The following AFG1L variants were observed in gnomAD, a reference collection of about 807,000 sequenced individuals.
The protein encoded by AFG1L is AFG1-like ATPase.
A neutral mutation model predicts 62.2 loss-of-function variants in AFG1L; 53 were observed. The ratio of observed to expected loss-of-function variants is 0.85; its 90% confidence interval spans 0.68 to 1.07. AFG1L has a LOEUF of 1.07. Among genes scored for constraint, AFG1L ranks in the 50% least tolerant of loss-of-function variants. The pLI, the probability that AFG1L is intolerant of heterozygous loss-of-function variation, is 0.00. For missense variants in AFG1L, 555 were observed against 590.5 expected (o/e 0.94, Z 0.62); for synonymous variants, 228 against 210.3 (o/e 1.08, Z -0.73).
chr6:108,408,630 C>T (rs2114651081), intron 7 of AFG1L, among the ~76,000 whole-genome samples: 1 of 152,138 alleles, frequency 6.6e-6, no homozygotes, highest in East Asian at 1.9e-4. Context: ...ATTTTTTTCC[C>T]TCATATCTCA....
rs78166992 is a variant in AFG1L at position 108,296,901 on chromosome 6, A to G, written c.139+1683A>G. On this transcript the variant is annotated intron_variant, in intron 1 of 12. Transcript: ENST00000368977. The stretch of plus-strand genomic sequence containing the variant: ...ATTATCCTCATTTTGGAGATCATGA[A>G]TCCAAGGTTGCTGAAGTTATATGGC... Among the ~76,000 whole-genome samples the G allele has an allele frequency of 5.6e-4, 85 of 152,286 alleles. 1 individual carries two copies. The highest frequency in any genetic ancestry group is 2.0e-3 in the African/African-American group (83 of 41,568).
At chr6:108,455,638 A>G (rs2114768973) in intron 8 of AFG1L, among the ~76,000 whole-genome samples, 1 of 152,264 alleles carries the variant, frequency 6.6e-6, no homozygotes, top group East Asian at 1.9e-4. Flanking sequence ...ACTAAACTTT[A>G]GCTGCATCTC....
chr6:108,465,289 G>A (rs532851104), intron 8 of AFG1L, among the ~76,000 whole-genome samples: 1 of 152,106 alleles, frequency 6.6e-6, no homozygotes, highest in African/African-American at 2.4e-5. Flanking sequence ...TTCATGCTGT[G>A]GTCTTTCCAT....
chr6:108,387,729 A>G (rs1440361410), intron 6 of AFG1L: 1 of 152,202 alleles, frequency 6.6e-6, no homozygotes, highest in Non-Finnish European at 1.5e-5. Context: ...GGGACAAGTC[A>G]TAGATTAAAA....
intron 1 of AFG1L, chr6:108,318,418 T>C (rs1174488485): frequency 8.2e-6 from 2 of 245,140 alleles, no homozygotes; most frequent in Non-Finnish European, 1.6e-5. Context: ...AGTATCATCT[T>C]TTGTTTTATT....
At chr6:108,464,941 G>T (rs1241180297) in intron 8 of AFG1L, among the ~76,000 whole-genome samples, 1 of 152,176 alleles carries the variant, frequency 6.6e-6, no homozygotes, top group East Asian at 1.9e-4. Flanking sequence ...CACTGATGGG[G>T]CAATTACTCA....
intron 11 of AFG1L, among the ~76,000 whole-genome samples, chr6:108,515,212 A>G (rs1224676258): frequency 6.6e-6 from 1 of 152,186 alleles, no homozygotes; most frequent in Non-Finnish European, 1.5e-5. Context: ...TCAGCACCAC[A>G]CCACACCAAT....
At chr6:108,369,943 G>GATCTATCTATCTAT (rs1562113955) in intron 6 of AFG1L, among the ~76,000 whole-genome samples, 66 of 62,482 alleles carry the variant, frequency 1.1e-3, no homozygotes, top group Admixed American at 2.0e-3. Flanking sequence ...TGGCTGGCTG[G>GATCTATCTATCTAT]CTGGCTATCT....
intron 7 of AFG1L, among the ~76,000 whole-genome samples, chr6:108,406,019 A>G (rs1562139289): frequency 6.6e-6 from 1 of 152,192 alleles, no homozygotes; most frequent in East Asian, 1.9e-4. Flanking sequence ...CATTTTGTTT[A>G]TCCGTTCACC....
chr6:108,299,815 C>G (rs1321477505), intron 1 of AFG1L, among the ~76,000 whole-genome samples: 2 of 152,072 alleles, frequency 1.3e-5, no homozygotes, highest in African/African-American at 4.8e-5. Context: ...AAGCTGAGGG[C>G]TAGTGCTTGA....
chr6:108,383,335 G>C (rs1304240125), intron 6 of AFG1L, among the ~76,000 whole-genome samples: 1 of 152,026 alleles, frequency 6.6e-6, no homozygotes, highest in East Asian at 1.9e-4. Context: ...GGAATTTTTT[G>C]TTTTATATTA....
At chr6:108,515,166 A>G (rs1774826887) in intron 11 of AFG1L, among the ~76,000 whole-genome samples, 1 of 152,118 alleles carries the variant, frequency 6.6e-6, no homozygotes, top group Non-Finnish European at 1.5e-5. Flanking sequence ...CATCTACAGA[A>G]CTCTCCACCC....
intron 1 of AFG1L, among the ~76,000 whole-genome samples, chr6:108,299,346 G>A (rs1335383572): frequency 1.3e-5 from 2 of 151,910 alleles, no homozygotes; most frequent in African/African-American, 2.4e-5. Flanking sequence ...GTAAATTTAG[G>A]TTTCCTATTG....
chr6:108,360,060 G>A (rs941636019), intron 5 of AFG1L, among the ~76,000 whole-genome samples: 5 of 152,118 alleles, frequency 3.3e-5, no homozygotes, highest in African/African-American at 1.2e-4. Context: ...AGAATTAATC[G>A]GTGAGCTAAA....
At chr6:108,312,083 T>A (rs1777434482) in intron 1 of AFG1L, among the ~76,000 whole-genome samples, 1 of 152,186 alleles carries the variant, frequency 6.6e-6, no homozygotes. Context: ...CAGGCTGATC[T>A]TGAACTCCTA....
intron 7 of AFG1L, among the ~76,000 whole-genome samples, chr6:108,425,803 T>G (rs1770786537): frequency 6.6e-6 from 1 of 152,150 alleles, no homozygotes; most frequent in Non-Finnish European, 1.5e-5. Flanking sequence ...ATAATCTATC[T>G]TATTAATCTA....
At chr6:108,461,107 T>C (rs886534405) in intron 8 of AFG1L, among the ~76,000 whole-genome samples, 1 of 152,254 alleles carries the variant, frequency 6.6e-6, no homozygotes, top group Non-Finnish European at 1.5e-5. Flanking sequence ...ACTTTCTTAG[T>C]GAAGAACTAT....
chr6:108,390,160 C>G (rs890346147), intron 6 of AFG1L, among the ~76,000 whole-genome samples: 1 of 152,188 alleles, frequency 6.6e-6, no homozygotes, highest in Non-Finnish European at 1.5e-5. Context: ...TTGATTGAAT[C>G]GGCTACTGAA....
intron 6 of AFG1L, among the ~76,000 whole-genome samples, chr6:108,399,094 C>T (rs1441780677): frequency 6.7e-6 from 1 of 150,080 alleles, no homozygotes; most frequent in Non-Finnish European, 1.5e-5. Context: ...GAATAGCTTT[C>T]CATTTTTGTG....
Sources: gnomAD v4.1 joint callset for allele counts (sites outside exome capture counted in the v4.1 genomes callset) on GRCh38, gnomAD v4.1.1 for gene constraint, MANE v1.5 for transcripts, NCBI Gene and HGNC (gene_info 2026-07-23, HGNC 2026-07-21) for gene names.